Variants in HEATR6 observed in about 807,000 individuals in gnomAD.
HEATR6 encodes the protein HEAT repeat-containing protein 6.
HEATR6 carries 106 observed loss-of-function variants against 132.8 expected under a neutral mutation model. The ratio of observed to expected loss-of-function variants is 0.80; its 90% CI spans 0.68 to 0.94. HEATR6 has a LOEUF of 0.94. Ranked by LOEUF, HEATR6 falls within the 40% of genes least tolerant of loss-of-function variation. The pLI, the probability that HEATR6 is intolerant of heterozygous loss-of-function variation, is 0.00. For missense variants in HEATR6, 1,339 were observed against 1,425.1 expected (o/e 0.94, Z 0.97); for synonymous variants, 529 against 537.8 (o/e 0.98, Z 0.23).
Position 60,041,566 on chromosome 17 carries a change from A to G in HEATR6, c.*1997T>C, listed in dbSNP as rs1333695771. On this transcript the variant is annotated 3_prime_UTR_variant, in exon 20 of 20. Coordinates refer to ENST00000184956, the MANE Select transcript of HEATR6 (RefSeq NM_022070.5). Reference sequence around the variant, plus strand: ...CTTAGTTTCCTGGGCCCTCTATAACACTTCATGTTCAGAATTGTCTCCAAA... The same window carrying G: ...CTTAGTTTCCTGGGCCCTCTATAACGCTTCATGTTCAGAATTGTCTCCAAA... Among the ~76,000 whole-genome samples the G allele has an allele frequency of 6.6e-6, 1 of 152,146 alleles. No homozygotes were observed. Among genetic ancestry groups the G allele is most frequent in the Non-Finnish European group, 1.5e-5 (1 of 68,030 alleles).
chr17:60,066,285 A>G lies in HEATR6; in HGVS notation c.1340T>C (p.Ile447Thr). The G allele has an allele frequency of 1.2e-6, 2 of 1,614,142 alleles. No individual in the cohort carries two copies. Among genetic ancestry groups the G allele is most frequent in the South Asian group, 2.2e-5 (2 of 91,078 alleles). The change falls in exon 9 of 20, where the codon ATT becomes ACT. Residue 447 changes from isoleucine to threonine, a missense_variant. By Grantham distance (89) the Ile-to-Thr change is moderately conservative. Coordinates refer to ENST00000184956, the MANE Select transcript of HEATR6 (RefSeq NM_022070.5). Reference protein sequence around the residue: ...KVLYGYWSAFIPDTPELGSPQ... With the variant: ...KVLYGYWSAFTPDTPELGSPQ... ...GCTGCCAAGTTCAGGCGTATCAGGA[A>G]TAAAAGCTGACCAGTAGCCATAAAG...
intron 6 of HEATR6, 29 bp from the exon 7 acceptor site, chr17:60,069,877 C>T: frequency 3.1e-6 from 5 of 1,608,642 alleles, no homozygotes; most frequent in Non-Finnish European, 3.4e-6. Flanking sequence ...GACACACACA[C>T]ACACACGAAA....
rs200437609 is a variant in HEATR6, at chr17:60,069,896, A to G, written c.802-48T>C. 8 of 1,600,206 alleles carry G rather than the reference A, an allele frequency of 5.0e-6. No individual in the cohort carries two copies. The African/African-American group carries it at 1.1e-4, about 21-fold the overall frequency. On this transcript the variant is annotated intron_variant, in intron 6 of 19. Coordinates refer to ENST00000184956, the MANE Select transcript of HEATR6 (RefSeq NM_022070.5). Reference sequence around the variant, plus strand: ...CACACACACACACGAAACCAAAAAAACCATTAATCATAAACCATTAATCAT... The same window carrying G: ...CACACACACACACGAAACCAAAAAAGCCATTAATCATAAACCATTAATCAT...
At position 60,069,852 on chromosome 17, in the gene HEATR6, A is replaced by G; in HGVS notation, c.802-4T>C. ...GGAGTCCGTGAAACATGAATTTCTA[A>G]TAATGATGAATAAGGACACACACAC... On this transcript the variant is annotated splice_polypyrimidine_tract_variant and splice_region_variant and intron_variant, in intron 6 of 19. Coordinates refer to ENST00000184956, the MANE Select transcript of HEATR6 (RefSeq NM_022070.5). 6.2e-7 allele frequency: 1 copy of G among 1,613,792 alleles called. No individual in the cohort carries two copies. The highest frequency in any genetic ancestry group is 8.5e-7 in the Non-Finnish European group (1 of 1,179,908).
intron 7 of HEATR6, 149 bp from the exon 8 acceptor site, chr17:60,067,881 T>C: frequency 1.5e-6 from 1 of 650,778 alleles, no homozygotes; most frequent in East Asian, 2.9e-5. Context: ...AAAGTGTAAC[T>C]TCATTAATAC....
intron 5 of HEATR6, among the ~76,000 whole-genome samples, chr17:60,071,085 GAGA>G (rs2083267852): frequency 1.3e-5 from 2 of 152,182 alleles, no homozygotes; most frequent in African/African-American, 2.4e-5. Context: ...AGAAAAAAGA[GAGA>G]AGATGTTTAG....
At chr17:60,074,346 C>T (rs1032490051) in intron 2 of HEATR6, among the ~76,000 whole-genome samples, 1 of 152,204 alleles carries the variant, frequency 6.6e-6, no homozygotes, top group African/African-American at 2.4e-5. Flanking sequence ...AGCTGATAAT[C>T]TTGTTGGGAC....
In HEATR6 at chr17:60,044,010, G is replaced by A. The variant is rs368813114; in HGVS notation, c.3099C>T (p.Tyr1033=). The A allele has an allele frequency of 3.7e-5, 59 of 1,614,000 alleles. No individual in the cohort carries two copies. The Middle Eastern group carries it at 6.6e-4, about 18-fold the overall frequency. Reference sequence around the variant, plus strand: ...TCCGAGCATACTGGTCAACAGACCCGTACTGCTCTCTCTTCCCCGGGACGG... The same window carrying A: ...TCCGAGCATACTGGTCAACAGACCCATACTGCTCTCTCTTCCCCGGGACGG... The part of the protein sequence containing the change: ...ALSVPGKREQ[Y]GSVDQYARIW... Residue 1033 remains tyrosine (Y), a synonymous_variant, in exon 20 of 20, where the codon TAC becomes TAT. Coordinates refer to ENST00000184956, the MANE Select transcript of HEATR6 (RefSeq NM_022070.5).
At chr17:60,056,907 C>T in intron 12 of HEATR6, 141 bp downstream of exon 12, 1 of 598,558 alleles carries the variant, frequency 1.7e-6, no homozygotes, top group South Asian at 2.5e-5. Flanking sequence ...AACAACAAAA[C>T]AATACACCAC....
In HEATR6 at chr17:60,057,098, C is replaced by T; in HGVS notation, c.2029G>A (p.Ala677Thr). Residue 677 changes from alanine to threonine, a missense_variant, in exon 12 of 20, where the codon GCA becomes ACA. Coordinates refer to ENST00000184956, the MANE Select transcript of HEATR6 (RefSeq NM_022070.5). ...DSCSGSDAGS[A>T]AGSTYEPSPM... ...GATGGTTCGTAGGTGCTTCCTGCTG[C>T]AGAGCCAGCATCGCTACCTGAACAG... is the stretch of plus-strand genomic sequence containing the variant. 6.2e-7 allele frequency: 1 copy of T among 1,613,574 alleles called. No individual in the cohort carries two copies. The highest frequency in any genetic ancestry group is 1.1e-5 in the South Asian group (1 of 91,010).
intron 9 of HEATR6, among the ~76,000 whole-genome samples, 166 bp from the exon 10 acceptor site, chr17:60,060,262 C>G (rs2083202916): frequency 6.7e-6 from 1 of 148,544 alleles, no homozygotes; most frequent in Non-Finnish European, 1.5e-5. Context: ...TTGCGTCCCA[C>G]ACCTAAAAAA....
rs555990132 is a variant in HEATR6 at position 60,046,506 on chromosome 17, C to T, written c.2770-277G>A. ...TTTTACTGAGATGGAGTATAAGGACCGGGAACAACAGGACAAGGCTGATTG... is the reference window on the plus strand; with the variant it reads ...TTTTACTGAGATGGAGTATAAGGACTGGGAACAACAGGACAAGGCTGATTG... On this transcript the variant is annotated intron_variant, in intron 18 of 19. Transcript: ENST00000184956. Among the ~76,000 whole-genome samples the T allele has an allele frequency of 6.6e-5, 10 of 152,112 alleles. No individual in the cohort carries two copies. In the South Asian group the frequency reaches 8.3e-4, roughly 13 times the overall value.
At position 60,072,269 on chromosome 17, in the gene HEATR6, C is replaced by A. The variant is rs757503173; in HGVS notation, c.645G>T (p.Leu215=). Residue 215 remains leucine (L), a synonymous_variant, in exon 5 of 20, where the codon CTG becomes CTT. Coordinates refer to ENST00000184956, the MANE Select transcript of HEATR6 (RefSeq NM_022070.5). ...ATGATTTTGGAGACTGTAAAATAGT[C>A]AGAAAAGCTTGGAAACAGACATTTT... ...PYQNVCFQAF[L]TILQSPKSSD... is the part of the protein sequence containing the mutation. 2 of 1,610,948 alleles carry A rather than the reference C, an allele frequency of 1.2e-6. No homozygotes were observed. Among genetic ancestry groups the A allele is most frequent in the Non-Finnish European group, 8.5e-7 (1 of 1,178,042 alleles).
intron 11 of HEATR6, among the ~76,000 whole-genome samples, chr17:60,057,919 C>T (rs8070466): frequency 0.095 from 14,510 of 152,016 alleles, 897 homozygotes; most frequent in African/African-American, 0.17. Context: ...GATCAGTTGA[C>T]TATATTTATG....
chr17:60,070,643 A>C, intron 6 of HEATR6, 63 bp downstream of exon 6: 1 of 909,516 alleles, frequency 1.1e-6, no homozygotes, highest in Non-Finnish European at 1.8e-6. Context: ...TAAGGATGTA[A>C]AGTGGTCCTT....
intron 18 of HEATR6, among the ~76,000 whole-genome samples, chr17:60,046,430 A>G (rs1437048087): frequency 6.6e-6 from 1 of 152,020 alleles, no homozygotes; most frequent in Non-Finnish European, 1.5e-5. Flanking sequence ...TTATTTATTT[A>G]TTTATTTTAT....
chr17:60,078,263 T>A (rs946450523), intron 1 of HEATR6, among the ~76,000 whole-genome samples: 1 of 152,188 alleles, frequency 6.6e-6, no homozygotes, highest in African/African-American at 2.4e-5. Flanking sequence ...TATACTGTAT[T>A]TTTACGAGCT....
In HEATR6 at chr17:60,078,863, C is replaced by T; in HGVS notation, c.52G>A (p.Ala18Thr). ...GSWPSVQPREAPREAIPERGN... is the reference protein window; with the variant it reads ...GSWPSVQPRETPREAIPERGN... Reference sequence around the variant, plus strand: ...CGCTCAGGGATTGCTTCCCGCGGTGCCTCCCGCGGCTGCACGGAAGGCCAC... The same window carrying T: ...CGCTCAGGGATTGCTTCCCGCGGTGTCTCCCGCGGCTGCACGGAAGGCCAC... Residue 18 changes from alanine to threonine, a missense_variant, in exon 1 of 20, where the codon GCA (alanine) becomes ACA (threonine). Transcript: ENST00000184956. 1 of 1,589,732 alleles carries T rather than the reference C, an allele frequency of 6.3e-7. No individual in the cohort carries two copies. Among genetic ancestry groups the T allele is most frequent in the Non-Finnish European group, 8.6e-7 (1 of 1,166,424 alleles).
chr17:60,057,231 T>A lies in HEATR6; in HGVS notation c.1896A>T (p.Ala632=). The change falls in exon 12 of 20, where the codon GCA becomes GCT. Residue 632 remains alanine, a synonymous_variant. Coordinates refer to ENST00000184956, the MANE Select transcript of HEATR6 (RefSeq NM_022070.5). ...CTGACGTTTCTTCCAGAGAGGGTCC[T>A]GCAGGGGCTTTCTTCCACCAATCAG... ...SPPDWWKKAP[A]GPSLEETSVS... 6.2e-7 allele frequency: 1 copy of A among 1,614,226 alleles called. No individual in the cohort carries two copies. Among genetic ancestry groups the A allele is most frequent in the East Asian group, 2.2e-5 (1 of 44,886 alleles).
Sources: allele counts gnomAD v4.1 joint callset (sites outside exome capture counted in the v4.1 genomes callset), GRCh38; gene constraint gnomAD v4.1.1; transcripts MANE v1.5; gene names NCBI Gene and HGNC (gene_info 2026-07-23, HGNC 2026-07-21).